BMAL1: variants seen among roughly 807,000 people sequenced by gnomAD.
The protein encoded by BMAL1 is basic helix-loop-helix ARNT-like protein 1.
the BMAL1 span, among the ~76,000 whole-genome samples, chr11:13,300,530 G>A: frequency 6.6e-6 from 1 of 152,208 alleles, no homozygotes; most frequent in South Asian, 2.1e-4. Context: ...CTCGTGACTT[G>A]TTTGTTCCTG....
At chr11:13,373,181 T>C in the BMAL1 span, among the ~76,000 whole-genome samples, 1 of 152,198 alleles carries the variant, frequency 6.6e-6, no homozygotes, top group East Asian at 1.9e-4. Flanking sequence ...TCCAACCTCC[T>C]TATTTTATGG....
At chr11:13,295,101 T>C in the BMAL1 span, among the ~76,000 whole-genome samples, 2 of 152,146 alleles carry the variant, frequency 1.3e-5, no homozygotes, top group African/African-American at 2.4e-5. Flanking sequence ...CTGGGCCATC[T>C]GTCCAGCAGC....
the BMAL1 span, among the ~76,000 whole-genome samples, chr11:13,341,899 A>G: frequency 6.6e-6 from 1 of 152,242 alleles, no homozygotes; most frequent in Non-Finnish European, 1.5e-5. Flanking sequence ...ATGCAGGGGC[A>G]TGTCAAGGCC....
chr11:13,332,715 T>C, the BMAL1 span, among the ~76,000 whole-genome samples: 6 of 152,154 alleles, frequency 3.9e-5, no homozygotes, highest in Non-Finnish European at 5.9e-5. Context: ...TTCTAGCAAC[T>C]TTTCCTGTGT....
the BMAL1 span, among the ~76,000 whole-genome samples, chr11:13,307,437 G>T: frequency 2.6e-4 from 40 of 152,268 alleles, 1 homozygote; most frequent in Admixed American, 2.3e-3. Context: ...CACCTGTAGC[G>T]ACAGCATCAG....
chr11:13,283,116 T>C, the BMAL1 span, among the ~76,000 whole-genome samples: 4 of 152,212 alleles, frequency 2.6e-5, no homozygotes, highest in Non-Finnish European at 5.9e-5. Flanking sequence ...GTTTTTACCT[T>C]AGTATGTGCT....
the BMAL1 span, among the ~76,000 whole-genome samples, chr11:13,311,963 T>C: frequency 6.6e-6 from 1 of 152,246 alleles, no homozygotes; most frequent in African/African-American, 2.4e-5. Context: ...GACTTGAGGA[T>C]AATTCCTCCA....
the BMAL1 span, among the ~76,000 whole-genome samples, chr11:13,337,430 A>G: frequency 6.6e-6 from 1 of 152,178 alleles, no homozygotes; most frequent in Non-Finnish European, 1.5e-5. Context: ...ATTTATATCT[A>G]TTGATATATT....
chr11:13,294,819 G>A, the BMAL1 span, among the ~76,000 whole-genome samples: 7 of 152,132 alleles, frequency 4.6e-5, no homozygotes, highest in Non-Finnish European at 7.4e-5. Context: ...GCATGACCTT[G>A]TCCTTGGCTC....
the BMAL1 span, among the ~76,000 whole-genome samples, chr11:13,375,276 G>GA: frequency 1.3e-5 from 2 of 152,236 alleles, no homozygotes; most frequent in Admixed American, 6.5e-5. Context: ...TTGTGATTGA[G>GA]ATAAAGCATG....
the BMAL1 span, among the ~76,000 whole-genome samples, chr11:13,364,644 G>A: frequency 2.0e-5 from 3 of 152,298 alleles, no homozygotes; most frequent in East Asian, 1.9e-4. Flanking sequence ...TGTATGTCTG[G>A]AAGGCAGTGG....
the BMAL1 span, among the ~76,000 whole-genome samples, chr11:13,329,546 A>T: frequency 4.0e-3 from 616 of 152,204 alleles, 9 homozygotes; most frequent in African/African-American, 0.014. Context: ...GCCAGAGCCC[A>T]TTTTGCTCCA....
chr11:13,309,419 G>T, the BMAL1 span, among the ~76,000 whole-genome samples: 6 of 152,126 alleles, frequency 3.9e-5, no homozygotes, highest in African/African-American at 9.7e-5. Context: ...CTGCCCAGGG[G>T]AGTGTCATTC....
chr11:13,339,021 G>A, the BMAL1 span, among the ~76,000 whole-genome samples: 1 of 152,230 alleles, frequency 6.6e-6, no homozygotes, highest in Non-Finnish European at 1.5e-5. Flanking sequence ...CCCTGGATGG[G>A]TGGATGGTGT....
the BMAL1 span, among the ~76,000 whole-genome samples, chr11:13,313,385 T>C: frequency 2.8e-3 from 421 of 152,258 alleles, 3 homozygotes; most frequent in African/African-American, 9.0e-3. Context: ...CGGATCTCCA[T>C]ATCCGGTCTG....
chr11:13,341,130 A>AC, the BMAL1 span, among the ~76,000 whole-genome samples: 2 of 151,932 alleles, frequency 1.3e-5, no homozygotes, highest in Non-Finnish European at 2.9e-5. Flanking sequence ...CTAGGGGAGA[A>AC]CCCTCAGCCT....
chr11:13,340,406 A>G, the BMAL1 span, among the ~76,000 whole-genome samples: 1 of 152,344 alleles, frequency 6.6e-6, no homozygotes, highest in African/African-American at 2.4e-5. Context: ...GAGCAGCTCC[A>G]AAATTCTGTT....
the BMAL1 span, among the ~76,000 whole-genome samples, chr11:13,374,761 C>G: frequency 6.6e-6 from 1 of 152,204 alleles, no homozygotes; most frequent in Non-Finnish European, 1.5e-5. Flanking sequence ...AGTTCATCTT[C>G]CATAGTTATC....
the BMAL1 span, among the ~76,000 whole-genome samples, chr11:13,358,820 CTG>C: frequency 1.3e-5 from 2 of 152,256 alleles, no homozygotes; most frequent in Non-Finnish European, 2.9e-5. Context: ...AGCATAGAAA[CTG>C]TGCTTTGCAC....
Sources: allele counts gnomAD v4.1 joint callset (sites outside exome capture counted in the v4.1 genomes callset), GRCh38; gene constraint gnomAD v4.1.1; transcripts MANE v1.5; gene names NCBI Gene and HGNC (gene_info 2026-07-23, HGNC 2026-07-21).